NKAIN3: variants seen among roughly 807,000 people sequenced by gnomAD.
The protein encoded by NKAIN3 is sodium/potassium-transporting ATPase subunit beta-1-interacting protein 3.
In NKAIN3, 25 loss-of-function variants were observed where a neutral mutation model predicts 30.2. The observed-to-expected ratio is 0.83, with a 90% CI of 0.60 to 1.16. NKAIN3 has a LOEUF of 1.16. NKAIN3 is among the 50% of genes most tolerant of loss of function. NKAIN3 has a pLI of 0.00. For synonymous variants in NKAIN3, 91 were observed against 89.6 expected, an observed-to-expected ratio of 1.02 and a Z score of -0.09; for missense variants, 225 against 254.1, an observed-to-expected ratio of 0.89 and a Z score of 0.78.
At chr8:62,871,613 T>G (rs1186614254) in intron 4 of NKAIN3, among the ~76,000 whole-genome samples, 1 of 152,206 alleles carries the variant, frequency 6.6e-6, no homozygotes, top group Non-Finnish European at 1.5e-5. Context: ...TGCAAACAGC[T>G]GAAGTCAGGG....
intron 1 of NKAIN3, among the ~76,000 whole-genome samples, chr8:62,499,053 T>G (rs188645962): frequency 9.7e-4 from 148 of 152,300 alleles, no homozygotes; most frequent in African/African-American, 3.2e-3. Flanking sequence ...TCAGATTCTT[T>G]GATGCTGTGA....
chr8:62,912,567 T>C (rs1228762211), intron 4 of NKAIN3, among the ~76,000 whole-genome samples: 1 of 152,198 alleles, frequency 6.6e-6, no homozygotes, highest in Non-Finnish European at 1.5e-5. Context: ...TCCTTATTTA[T>C]AAGCCCTTTT....
At chr8:62,338,583 G>T (rs1042335271) in intron 1 of NKAIN3, among the ~76,000 whole-genome samples, 2 of 151,894 alleles carry the variant, frequency 1.3e-5, no homozygotes, top group African/African-American at 4.8e-5. Flanking sequence ...GAACTAATAG[G>T]ATAGATATAG....
intron 1 of NKAIN3, among the ~76,000 whole-genome samples, chr8:62,380,409 G>A (rs1817238006): frequency 6.6e-6 from 1 of 152,088 alleles, no homozygotes. Flanking sequence ...TCTCCTATCA[G>A]ATGCCAATGG....
At chr8:62,557,114 A>G (rs1176275928) in intron 1 of NKAIN3, among the ~76,000 whole-genome samples, 2 of 151,912 alleles carry the variant, frequency 1.3e-5, no homozygotes, top group Non-Finnish European at 2.9e-5. Context: ...TTATGCCTCT[A>G]CATACTCATA....
chr8:62,435,275 C>A (rs991112629), intron 1 of NKAIN3, among the ~76,000 whole-genome samples: 1 of 151,978 alleles, frequency 6.6e-6, no homozygotes, highest in Admixed American at 6.6e-5. Context: ...CTCCTGGGGG[C>A]CTAATAACCA....
At chr8:62,611,092 A>G (rs937088533) in intron 3 of NKAIN3, among the ~76,000 whole-genome samples, 4 of 152,166 alleles carry the variant, frequency 2.6e-5, no homozygotes, top group African/African-American at 7.2e-5. Context: ...CTGAGAATTA[A>G]AAAGAAAATA....
At chr8:62,813,696 G>A (rs1202629323) in intron 4 of NKAIN3, among the ~76,000 whole-genome samples, 1 of 151,750 alleles carries the variant, frequency 6.6e-6, no homozygotes, top group South Asian at 2.1e-4. Flanking sequence ...GCTTTTCATA[G>A]TGATAACATT....
intron 4 of NKAIN3, chr8:62,857,125 T>A (rs1477880713): frequency 2.4e-5 from 9 of 378,802 alleles, no homozygotes; most frequent in Non-Finnish European, 4.0e-5. Context: ...GTGACCAACT[T>A]GGACCAGAAA....
intron 1 of NKAIN3, among the ~76,000 whole-genome samples, chr8:62,553,036 G>T (rs1809267294): frequency 6.6e-6 from 1 of 152,136 alleles, no homozygotes; most frequent in African/African-American, 2.4e-5. Context: ...AAGTTACATA[G>T]AATTCAGCAA....
intron 1 of NKAIN3, among the ~76,000 whole-genome samples, chr8:62,453,094 A>T (rs969444167): frequency 6.6e-6 from 1 of 152,200 alleles, no homozygotes; most frequent in African/African-American, 2.4e-5. Flanking sequence ...AGTCTTTTTG[A>T]GTATTTTAAG....
chr8:62,628,061 A>G (rs1245951563), intron 3 of NKAIN3, among the ~76,000 whole-genome samples: 1 of 152,074 alleles, frequency 6.6e-6, no homozygotes, highest in Non-Finnish European at 1.5e-5. Flanking sequence ...GCACTATGGG[A>G]GATCTATAAA....
chr8:62,729,039 A>AAAAAAAAAAAAAAAAAAACAAAC (rs200466973), intron 3 of NKAIN3, among the ~76,000 whole-genome samples: 1 of 96,924 alleles, frequency 1.0e-5, no homozygotes, highest in African/African-American at 4.0e-5. Flanking sequence ...AAAAAAAAAA[A>AAAAAAAAAAAAAAAAAAACAAAC]CAAAAAAAAA....
intron 1 of NKAIN3, chr8:62,344,751 A>G (rs1016532763): frequency 3.1e-6 from 1 of 326,542 alleles, no homozygotes; most frequent in African/African-American, 2.2e-5. Context: ...CCAGTTTGCT[A>G]CACACTAGTA....
chr8:62,957,471 A>T (rs1468748169), intron 6 of NKAIN3, among the ~76,000 whole-genome samples: 1 of 152,214 alleles, frequency 6.6e-6, no homozygotes, highest in Non-Finnish European at 1.5e-5. Flanking sequence ...AACTTGATAA[A>T]GAACAAAGAT....
chr8:62,321,373 G>A (rs1814896810), intron 1 of NKAIN3, among the ~76,000 whole-genome samples: 1 of 152,184 alleles, frequency 6.6e-6, no homozygotes, highest in Non-Finnish European at 1.5e-5. Flanking sequence ...TTGCTGGTGA[G>A]GAGCTGCGTT....
Position 62,425,221 on chromosome 8 carries a change from T to C in NKAIN3, c.55-154318T>C, listed in dbSNP as rs557010328. ...GATCTATTGTTCAACATTGTGTCTA[T>C]AGTTAACAATATGCACCATACACTT... is the stretch of plus-strand genomic sequence containing the variant. On this transcript the variant is annotated intron_variant, in intron 1 of 6. Transcript: ENST00000623646. Among the ~76,000 whole-genome samples, 203 of 151,980 alleles carry C rather than the reference T, an allele frequency of 1.3e-3. 5 individuals are homozygous for C. The South Asian group carries it at 0.041, about 30-fold the overall frequency.
chr8:62,918,554 T>G, intron 5 of NKAIN3, 41 bp downstream of exon 5: 1 of 1,349,536 alleles, frequency 7.4e-7, no homozygotes, highest in South Asian at 1.2e-5. Context: ...TCCTTTTGAA[T>G]GAGATACAGC....
intron 3 of NKAIN3, among the ~76,000 whole-genome samples, chr8:62,639,556 T>G (rs973305651): frequency 6.6e-6 from 1 of 152,156 alleles, no homozygotes; most frequent in African/African-American, 2.4e-5. Context: ...GTTTTTGGTT[T>G]CTTATTTGTA....
Sources: allele counts gnomAD v4.1 joint callset (sites outside exome capture counted in the v4.1 genomes callset), GRCh38; gene constraint gnomAD v4.1.1; transcripts MANE v1.5; gene names NCBI Gene and HGNC (gene_info 2026-07-23, HGNC 2026-07-21).